TBC1D5: variants seen among roughly 807,000 people sequenced by gnomAD.
TBC1D5 encodes TBC1 domain family member 5, also known as TBC1 domain family, member 5.
In TBC1D5, 75 loss-of-function variants were observed where a neutral mutation model predicts 100.3. The ratio of observed to expected loss-of-function variants is 0.75; its 90% confidence interval spans 0.62 to 0.91. The LOEUF (loss-of-function observed/expected upper bound fraction) is 0.91, where lower values mean the gene tolerates loss of function less well. TBC1D5 is among the 40% of genes least tolerant of loss of function. The pLI, the probability that TBC1D5 is intolerant of heterozygous loss-of-function variation, is 0.00. For missense variants in TBC1D5, 910 were observed against 942.4 expected (o/e 0.97, Z 0.45); for synonymous variants, 323 against 325.6 (o/e 0.99, Z 0.09).
intron 1 of TBC1D5, among the ~76,000 whole-genome samples, chr3:17,712,195 A>C (rs2074805088): frequency 6.6e-6 from 1 of 152,156 alleles, no homozygotes; most frequent in Non-Finnish European, 1.5e-5. Context: ...CTCTTGGACA[A>C]GGTTTTCTGG....
chr3:17,369,517 T>C (rs909838038), intron 13 of TBC1D5, among the ~76,000 whole-genome samples: 4 of 152,262 alleles, frequency 2.6e-5, no homozygotes, highest in East Asian at 3.9e-4. Context: ...TATGCTTCTA[T>C]CTACCGTTAT....
At chr3:17,473,795 CATGAA>C (rs951154308) in intron 3 of TBC1D5, among the ~76,000 whole-genome samples, 1 of 151,954 alleles carries the variant, frequency 6.6e-6, no homozygotes, top group Non-Finnish European at 1.5e-5. Context: ...TTAGTAATAA[CATGAA>C]ATGAATGTGC....
At chr3:17,426,518 CTT>C (rs1297428846) in intron 4 of TBC1D5, among the ~76,000 whole-genome samples, 1 of 152,022 alleles carries the variant, frequency 6.6e-6, no homozygotes, top group Admixed American at 6.6e-5. Context: ...TTTATCTTCT[CTT>C]TTTAATTACA....
At chr3:17,511,797 A>G (rs1348565707) in intron 2 of TBC1D5, among the ~76,000 whole-genome samples, 5 of 152,064 alleles carry the variant, frequency 3.3e-5, no homozygotes, top group Non-Finnish European at 7.4e-5. Context: ...AGCATCCATT[A>G]TATCCTGATT....
chr3:17,534,320 G>C (rs2096263102), intron 2 of TBC1D5, among the ~76,000 whole-genome samples: 1 of 152,104 alleles, frequency 6.6e-6, no homozygotes, highest in Non-Finnish European at 1.5e-5. Flanking sequence ...AAACCAATCA[G>C]ATACATAAAA....
At chr3:17,742,131 C>T (rs941841974), upstream of TBC1D5, among the ~76,000 whole-genome samples, 1 of 152,222 alleles carries the variant, frequency 6.6e-6, no homozygotes, top group Non-Finnish European at 1.5e-5. Flanking sequence ...GCAGGGAAAG[C>T]AGGCAGACTG....
At chr3:17,398,734 C>A (rs2093570979) in intron 8 of TBC1D5, among the ~76,000 whole-genome samples, 1 of 121,692 alleles carries the variant, frequency 8.2e-6, no homozygotes, top group African/African-American at 3.9e-5. Context: ...ACCAATAATC[C>A]TGCATTGTAA....
intron 1 of TBC1D5, among the ~76,000 whole-genome samples, chr3:17,721,154 AAAC>A (rs773617020): frequency 3.3e-5 from 5 of 152,104 alleles, no homozygotes; most frequent in South Asian, 2.1e-4. Flanking sequence ...ACTGTTTCAA[AAAC>A]AACAACAACA....
chr3:17,632,533 A>G (rs951519836), intron 1 of TBC1D5, among the ~76,000 whole-genome samples: 1 of 152,230 alleles, frequency 6.6e-6, no homozygotes, highest in Non-Finnish European at 1.5e-5. Flanking sequence ...ACCTAATCAC[A>G]TGCTACAGAG....
intron 16 of TBC1D5, among the ~76,000 whole-genome samples, chr3:17,242,435 A>G (rs889923199): frequency 1.3e-5 from 2 of 151,952 alleles, no homozygotes; most frequent in Non-Finnish European, 2.9e-5. Flanking sequence ...AATCACTTCA[A>G]TTCATTTCAA....
At chr3:17,687,364 C>T (rs1051097685) in intron 1 of TBC1D5, among the ~76,000 whole-genome samples, 10 of 152,134 alleles carry the variant, frequency 6.6e-5, no homozygotes, top group African/African-American at 2.4e-4. Flanking sequence ...CAAGGAATGA[C>T]AAAAATGTAT....
intron 1 of TBC1D5, among the ~76,000 whole-genome samples, chr3:17,640,379 C>T (rs948902510): frequency 6.6e-6 from 1 of 151,886 alleles, no homozygotes; most frequent in African/African-American, 2.4e-5. Context: ...TTTATTAAAA[C>T]TAATAAAAAC....
intron 3 of TBC1D5, among the ~76,000 whole-genome samples, chr3:17,469,024 T>A (rs554487489): frequency 6.6e-6 from 1 of 152,178 alleles, no homozygotes. Flanking sequence ...AGTCATTTGA[T>A]GGCTGAGAGG....
At chr3:17,373,886 T>A (rs1262623322) in intron 12 of TBC1D5, among the ~76,000 whole-genome samples, 2 of 152,040 alleles carry the variant, frequency 1.3e-5, no homozygotes, top group African/African-American at 4.8e-5. Context: ...GGACATGCAG[T>A]TTTCTTTTTG....
intron 8 of TBC1D5, among the ~76,000 whole-genome samples, chr3:17,401,265 T>C (rs1329451107): frequency 6.7e-6 from 1 of 148,484 alleles, no homozygotes; most frequent in African/African-American, 2.5e-5. Context: ...TACATATATA[T>C]GTATGTGTAT....
intron 17 of TBC1D5, among the ~76,000 whole-genome samples, chr3:17,233,085 T>C: frequency 6.6e-6 from 1 of 152,176 alleles, no homozygotes; most frequent in Non-Finnish European, 1.5e-5. Flanking sequence ...TGTATTTATT[T>C]AAAAACTATA....
intron 8 of TBC1D5, among the ~76,000 whole-genome samples, chr3:17,387,976 T>A (rs2093220395): frequency 6.6e-6 from 1 of 152,054 alleles, no homozygotes; most frequent in South Asian, 2.1e-4. Flanking sequence ...ATTTTATTAT[T>A]AACAGAAGGT....
At chr3:17,629,061 AG>A in intron 1 of TBC1D5, among the ~76,000 whole-genome samples, 1 of 152,386 alleles carries the variant, frequency 6.6e-6, no homozygotes, top group East Asian at 1.9e-4. Context: ...TGGATTATTA[AG>A]GACACAAGTG....
At chr3:17,596,700 C>CAAAAAAAAAAA (rs34625799) in intron 2 of TBC1D5, among the ~76,000 whole-genome samples, 2 of 44,938 alleles carry the variant, frequency 4.5e-5, no homozygotes, top group Admixed American at 2.4e-4. Flanking sequence ...GACTCCATCT[C>CAAAAAAAAAAA]AAAAAAAAAA....
Sources: gnomAD v4.1 joint callset for allele counts (sites outside exome capture counted in the v4.1 genomes callset) on GRCh38, gnomAD v4.1.1 for gene constraint, MANE v1.5 for transcripts, NCBI Gene and HGNC (gene_info 2026-07-23, HGNC 2026-07-21) for gene names.